The following LDHC variants were observed in gnomAD, a reference collection of about 807,000 sequenced individuals.
The protein encoded by LDHC is L-lactate dehydrogenase C chain.
LDHC carries 20 observed loss-of-function variants against 30.2 expected under a neutral mutation model. The ratio of observed to expected loss-of-function variants is 0.66; its 90% CI spans 0.47 to 0.96. The LOEUF is 0.96. LDHC is among the 40% of genes least tolerant of loss of function. The pLI is 0.00. For synonymous variants in LDHC, 139 were observed against 132.7 expected (o/e 1.05, Z -0.32); for missense variants, 362 against 394.9 (o/e 0.92, Z 0.71).
At chr11:18,444,367 C>A (rs569986790) in intron 6 of LDHC, among the ~76,000 whole-genome samples, 18 of 152,006 alleles carry the variant, frequency 1.2e-4, no homozygotes, top group African/African-American at 4.1e-4. Context: ...TACTGTAGAG[C>A]TTTCTTTTCT....
In LDHC at chr11:18,438,700, T is replaced by A; in HGVS notation, c.710+55T>A. 6 of 910,488 alleles carry A rather than the reference T, an allele frequency of 6.6e-6. No individual in the cohort carries two copies. In the South Asian group the frequency reaches 8.9e-5, roughly 13 times the overall value. 56.4% of individuals were successfully genotyped at this position (910,488 alleles called of 1,614,324 possible). A position where few individuals can be genotyped will look rare whatever the true frequency, so the allele number is the denominator to read the frequency against. ...CTTAATAGTCAGTCTTAAGAATAAA[T>A]ATCACGGACAAAAATCAAGTAGTTG... On this transcript the variant is annotated intron_variant, in intron 6 of 7. Transcript: ENST00000541669.
intron 2 of LDHC, among the ~76,000 whole-genome samples, chr11:18,414,496 G>C (rs1286399615): frequency 2.6e-5 from 4 of 152,170 alleles, no homozygotes; most frequent in Non-Finnish European, 5.9e-5. Context: ...ACTAAAAGCA[G>C]CTTTAGCCAA....
intron 6 of LDHC, among the ~76,000 whole-genome samples, chr11:18,445,767 T>C (rs561211194): frequency 3.5e-4 from 53 of 152,234 alleles, no homozygotes; most frequent in African/African-American, 1.2e-3. Flanking sequence ...GCTCAGAAGT[T>C]TGAAACCAGC....
intron 4 of LDHC, among the ~76,000 whole-genome samples, chr11:18,432,146 G>A (rs55727925): frequency 0.15 from 23,066 of 151,952 alleles, 1,919 homozygotes; most frequent in African/African-American, 0.22. Flanking sequence ...GTATCCCAGC[G>A]GTTTTGATAG....
At chr11:18,415,548 C>T (rs537281055) in intron 3 of LDHC, among the ~76,000 whole-genome samples, 65 of 152,284 alleles carry the variant, frequency 4.3e-4, no homozygotes, top group African/African-American at 1.3e-3. Context: ...TCTCCTGCCT[C>T]GGTCTCCTGT....
At chr11:18,413,620 G>A (rs187091962) in intron 2 of LDHC, among the ~76,000 whole-genome samples, 69 of 151,904 alleles carry the variant, frequency 4.5e-4, no homozygotes, top group Non-Finnish European at 7.7e-4. Context: ...GTGCCACCAC[G>A]CCCAGCTAAT....
At chr11:18,448,365 C>T (rs969714716) in intron 7 of LDHC, among the ~76,000 whole-genome samples, 1 of 152,128 alleles carries the variant, frequency 6.6e-6, no homozygotes, top group Non-Finnish European at 1.5e-5. Flanking sequence ...CTCACTGCAA[C>T]CTCTGCCTCC....
chr11:18,416,957 C>T (rs114767512), intron 3 of LDHC, among the ~76,000 whole-genome samples: 15,570 of 152,128 alleles, frequency 0.1, 876 homozygotes, highest in Admixed American at 0.15. Flanking sequence ...AATCTCAGCT[C>T]ACCACAACCT....
Position 18,451,381 on chromosome 11 carries a change from T to C in LDHC, c.*254T>C, listed in dbSNP as rs944112254. On this transcript the variant is annotated 3_prime_UTR_variant, in exon 8 of 8. Transcript: ENST00000541669. ...TTATACTTCTGAGGTATGTCACATA[T>C]GTTAGAGTGCCTTCAGATGTAGTAG... 2 of 244,578 alleles carry C rather than the reference T, an allele frequency of 8.2e-6. No individual in the cohort carries two copies. The highest frequency in any genetic ancestry group is 7.7e-6 in the Non-Finnish European group (1 of 130,492). The allele number at this position is 244,578 out of a possible 1,614,324, so 15.2% of individuals were successfully genotyped here.
chr11:18,420,935 G>T (rs1848036038), intron 3 of LDHC, among the ~76,000 whole-genome samples: 1 of 152,142 alleles, frequency 6.6e-6, no homozygotes, highest in Non-Finnish European at 1.5e-5. Flanking sequence ...TGATAGTGAT[G>T]AATGAAGTAG....
At chr11:18,442,448 CA>C (rs1225752395) in intron 6 of LDHC, among the ~76,000 whole-genome samples, 1 of 152,028 alleles carries the variant, frequency 6.6e-6, no homozygotes, top group African/African-American at 2.4e-5. Context: ...AACATTTCTT[CA>C]ATATTTTATA....
At chr11:18,448,097 C>T (rs889125374) in intron 7 of LDHC, among the ~76,000 whole-genome samples, 10 of 146,210 alleles carry the variant, frequency 6.8e-5, no homozygotes, top group Non-Finnish European at 1.4e-4. Flanking sequence ...AAAGAGTACA[C>T]AATGGATACC....
intron 4 of LDHC, among the ~76,000 whole-genome samples, chr11:18,430,126 C>T (rs971728729): frequency 1.3e-5 from 2 of 152,138 alleles, no homozygotes; most frequent in African/African-American, 4.8e-5. Flanking sequence ...TTTTCTTGTG[C>T]CTCCTTGCAG....
At chr11:18,412,954 C>T in intron 2 of LDHC, 111 bp downstream of exon 2, 1 of 818,044 alleles carries the variant, frequency 1.2e-6, no homozygotes, top group Non-Finnish European at 1.8e-6. Flanking sequence ...AATTATGTAT[C>T]CTTTGACCTT....
intron 3 of LDHC, among the ~76,000 whole-genome samples, chr11:18,427,550 T>C (rs1848182678): frequency 6.6e-6 from 1 of 152,086 alleles, no homozygotes; most frequent in Admixed American, 6.6e-5. Flanking sequence ...TATGGTCTCT[T>C]TGTGGTTATA....
In LDHC at chr11:18,450,889, T is replaced by C. The variant is rs137894336; in HGVS notation, c.835-74T>C. Reference sequence around the variant, plus strand: ...ATGCTTTAGTCTCTCCTGTATACTCTCATTTTGATGCCCTTTTGCATAGCT... The same window carrying C: ...ATGCTTTAGTCTCTCCTGTATACTCCCATTTTGATGCCCTTTTGCATAGCT... On this transcript the variant is annotated intron_variant, in intron 7 of 7. Coordinates refer to ENST00000541669, the MANE Select transcript of LDHC (RefSeq NM_017448.5). 1.2e-3 allele frequency: 1,338 copies of C among 1,123,960 alleles called. 22 individuals are homozygous for C. The African/African-American group carries it at 0.018, about 15-fold the overall frequency. The allele number at this position is 1,123,960 out of a possible 1,614,324, so 69.6% of individuals were successfully genotyped here.
chr11:18,425,806 G>A (rs546037323), intron 3 of LDHC, among the ~76,000 whole-genome samples: 25 of 152,046 alleles, frequency 1.6e-4, no homozygotes, highest in Admixed American at 9.8e-4. Flanking sequence ...CAGGCGTGTT[G>A]GCAGGCGCCT....
In LDHC at chr11:18,450,997, G is replaced by A. The variant is rs745415561; in HGVS notation, c.869G>A (p.Ser290Asn). 6 of 1,594,204 alleles carry A rather than the reference G, an allele frequency of 3.8e-6. No individual in the cohort carries two copies. Among genetic ancestry groups the A allele is most frequent in the Non-Finnish European group, 5.1e-6 (6 of 1,173,698 alleles). Residue 290 changes from serine (S) to asparagine (N), a missense_variant, in exon 8 of 8, where the codon AGT becomes AAT. Coordinates refer to ENST00000541669, the MANE Select transcript of LDHC (RefSeq NM_017448.5). ...LYGIKEELFL[S>N]IPCVLGRNGV... ...GGAATAAAAGAAGAACTCTTTCTCA[G>A]TATCCCTTGTGTCTTGGGGCGGAAT...
At chr11:18,440,159 A>AAAAAAAAG (rs1848439958) in intron 6 of LDHC, among the ~76,000 whole-genome samples, 3 of 148,714 alleles carry the variant, frequency 2.0e-5, no homozygotes, top group Non-Finnish European at 4.5e-5. Flanking sequence ...AAAAAAAAAA[A>AAAAAAAAG]AAAAATTAGC....
Sources: allele counts gnomAD v4.1 joint callset (sites outside exome capture counted in the v4.1 genomes callset), GRCh38; gene constraint gnomAD v4.1.1; transcripts MANE v1.5; gene names NCBI Gene and HGNC (gene_info 2026-07-23, HGNC 2026-07-21).